RBFOX1: variants seen among roughly 807,000 people sequenced by gnomAD.
The protein encoded by RBFOX1 is RNA binding fox-1 homolog 1.
Under a neutral mutation model 57.7 loss-of-function variants are expected in RBFOX1, and 8 were observed. That is an observed-to-expected ratio of 0.14 (90% CI 0.08 to 0.25). The LOEUF (loss-of-function observed/expected upper bound fraction) is 0.25. Among genes scored for constraint, RBFOX1 ranks in the 10% least tolerant of loss-of-function variants. The pLI, the probability that RBFOX1 is intolerant of heterozygous loss-of-function variation, is 1.00. For synonymous variants in RBFOX1, 326 were observed against 222.4 expected, an observed-to-expected ratio of 1.47 and a Z score of -4.15; for missense variants, 611 against 548.5, an observed-to-expected ratio of 1.11 and a Z score of -1.14.
intron 3 of RBFOX1, among the ~76,000 whole-genome samples, chr16:6,843,861 A>C (rs2093622838): frequency 6.6e-6 from 1 of 152,138 alleles, no homozygotes; most frequent in Non-Finnish European, 1.5e-5. Flanking sequence ...CTGTTCCCTC[A>C]ATATCTTCAT....
intron 1 of RBFOX1, among the ~76,000 whole-genome samples, chr16:5,281,660 C>A (rs1852673): frequency 2.0e-5 from 3 of 152,060 alleles, no homozygotes; most frequent in East Asian, 3.9e-4. Flanking sequence ...CTGAATTGAT[C>A]CCTTTATTAC....
rs1464314966 is a variant in RBFOX1 at position 5,305,397 on chromosome 16, A to G, written c.219+65292A>G. Among the ~76,000 whole-genome samples, 4 of 152,234 alleles carry G rather than the reference A, an allele frequency of 2.6e-5. No individual in the cohort carries two copies. In the East Asian group the frequency reaches 5.8e-4, roughly 22 times the overall value. On this transcript the variant is annotated intron_variant, in intron 1 of 2. Transcript: ENST00000585867. ...CTTCTGCTGGGGGTCACTTACATCT[A>G]CAGAGGATGACTGAGGAGGAGGTCT...
chr16:7,680,290 G>C (rs2074400067), intron 14 of RBFOX1, among the ~76,000 whole-genome samples: 1 of 152,180 alleles, frequency 6.6e-6, no homozygotes, highest in Non-Finnish European at 1.5e-5. Flanking sequence ...GGGTGGAAAA[G>C]ATTCCCTGTT....
At chr16:7,676,890 G>C in intron 14 of RBFOX1, 52 bp downstream of exon 14, 1 of 1,513,080 alleles carries the variant, frequency 6.6e-7, no homozygotes, top group Admixed American at 1.7e-5. Flanking sequence ...TAACTTAGTT[G>C]ATGGGAGAGG....
At position 7,291,373 on chromosome 16, in the gene RBFOX1, C is replaced by G. The variant is rs187155656; in HGVS notation, c.28-226774C>G. Among the ~76,000 whole-genome samples the G allele has an allele frequency of 2.1e-3, 326 of 152,252 alleles. 3 individuals carry two copies. Among genetic ancestry groups the G allele is most frequent in the African/African-American group, 5.0e-3 (208 of 41,534 alleles). ...AGCAAAGGAACTTACCTAAGTATAG[C>G]TTTTTCCCCCTTTTCTAAAAATCTA... On this transcript the variant is annotated intron_variant, in intron 4 of 15. Coordinates refer to ENST00000550418, the MANE Select transcript of RBFOX1 (RefSeq NM_018723.4).
intron 4 of RBFOX1, among the ~76,000 whole-genome samples, chr16:7,072,955 C>G (rs1254470690): frequency 1.3e-5 from 2 of 152,192 alleles, no homozygotes; most frequent in Non-Finnish European, 2.9e-5. Context: ...GGAGAAGTCT[C>G]CATGCCCTGA....
intron 3 of RBFOX1, among the ~76,000 whole-genome samples, chr16:6,936,345 A>T (rs765023215): frequency 3.9e-5 from 6 of 152,202 alleles, no homozygotes; most frequent in African/African-American, 9.6e-5. Flanking sequence ...AAGTTGTTGA[A>T]CCAACTCTCA....
At chr16:7,004,527 G>C (rs1029346863) in intron 3 of RBFOX1, among the ~76,000 whole-genome samples, 2 of 152,206 alleles carry the variant, frequency 1.3e-5, no homozygotes, top group African/African-American at 2.4e-5. Flanking sequence ...CCAAGAGAGA[G>C]ACCATCTCTT....
At chr16:5,788,025 C>T (rs575152656) in intron 3 of RBFOX1, among the ~76,000 whole-genome samples, 6 of 152,280 alleles carry the variant, frequency 3.9e-5, no homozygotes, top group African/African-American at 1.4e-4. Flanking sequence ...ACCTTGTTTA[C>T]ACCTATAGAA....
intron 4 of RBFOX1, among the ~76,000 whole-genome samples, chr16:5,922,711 C>T (rs939683547): frequency 2.6e-5 from 4 of 152,224 alleles, no homozygotes; most frequent in Admixed American, 2.6e-4. Context: ...ACCCAGATTT[C>T]CATAAACTCT....
At chr16:7,320,642 A>G (rs552295805) in intron 4 of RBFOX1, among the ~76,000 whole-genome samples, 13 of 152,342 alleles carry the variant, frequency 8.5e-5, no homozygotes, top group Admixed American at 7.2e-4. Context: ...GATTCATGAA[A>G]CTGGGATAAT....
chr16:7,237,442 C>G (rs1049087975), intron 4 of RBFOX1, among the ~76,000 whole-genome samples: 3 of 152,200 alleles, frequency 2.0e-5, no homozygotes, highest in Non-Finnish European at 4.4e-5. Flanking sequence ...AGGCACTGCT[C>G]TAAAGGCTGC....
At chr16:6,746,997 A>G (rs993973122) in intron 3 of RBFOX1, among the ~76,000 whole-genome samples, 2 of 152,154 alleles carry the variant, frequency 1.3e-5, no homozygotes, top group African/African-American at 4.8e-5. Flanking sequence ...CTGTGCAGAT[A>G]TCCCCTCACC....
At chr16:7,709,506 A>G (rs1285211928) in intron 15 of RBFOX1, 2 of 1,514,472 alleles carry the variant, frequency 1.3e-6, no homozygotes, top group Non-Finnish European at 1.8e-6. Context: ...CCAAGGTTCC[A>G]GCCCCAGCAC....
chr16:7,214,621 C>T lies in RBFOX1; in HGVS notation c.27+162523C>T, dbSNP rs536488496. Among the ~76,000 whole-genome samples the T allele has an allele frequency of 1.1e-4, 17 of 152,146 alleles. 1 individual carries two copies. In the South Asian group the frequency reaches 3.3e-3, roughly 30 times the overall value. ...CAGAGTAATAACTTTTAGTACAAATCTGATCATGTCTGAGCTACTTAAAAC... is the reference window on the plus strand; with the variant it reads ...CAGAGTAATAACTTTTAGTACAAATTTGATCATGTCTGAGCTACTTAAAAC... On this transcript the variant is annotated intron_variant, in intron 4 of 15. Transcript: ENST00000550418.
chr16:7,108,519 T>A (rs2064026864), intron 4 of RBFOX1, among the ~76,000 whole-genome samples: 1 of 152,178 alleles, frequency 6.6e-6, no homozygotes, highest in Admixed American at 6.5e-5. Context: ...TGTTTCTAGG[T>A]ACTGAGTATA....
chr16:6,729,127 G>C (rs569983692), intron 3 of RBFOX1, among the ~76,000 whole-genome samples: 1 of 152,042 alleles, frequency 6.6e-6, no homozygotes, highest in Non-Finnish European at 1.5e-5. Flanking sequence ...AAGGAGTTTT[G>C]TTCTTTATAT....
At position 6,891,578 on chromosome 16, in the gene RBFOX1, G is replaced by T. The variant is rs2065435712; in HGVS notation, c.-15-160479G>T. Reference sequence around the variant, plus strand: ...TGGTTAGTTTTTTCCAGTGCTCCAGGCATAGCATTCCTCAGCACCATTGTT... The same window carrying T: ...TGGTTAGTTTTTTCCAGTGCTCCAGTCATAGCATTCCTCAGCACCATTGTT... On this transcript the variant is annotated intron_variant, in intron 3 of 15. Coordinates refer to ENST00000550418, the MANE Select transcript of RBFOX1 (RefSeq NM_018723.4). Among the ~76,000 whole-genome samples the T allele has an allele frequency of 5.9e-5, 9 of 152,264 alleles. No individual in the cohort carries two copies. In the Middle Eastern group the frequency reaches 0.02, roughly 345 times the overall value.
At chr16:7,416,387 C>A in intron 4 of RBFOX1, among the ~76,000 whole-genome samples, 1 of 152,268 alleles carries the variant, frequency 6.6e-6, no homozygotes, top group East Asian at 1.9e-4. Flanking sequence ...CCCTGTAGTT[C>A]TTCTCTCTCA....
Sources: allele counts gnomAD v4.1 joint callset (sites outside exome capture counted in the v4.1 genomes callset), GRCh38; gene constraint gnomAD v4.1.1; transcripts MANE v1.5; gene names NCBI Gene and HGNC (gene_info 2026-07-23, HGNC 2026-07-21).